The following EPN1 variants were observed in gnomAD, a reference collection of about 807,000 sequenced individuals.
EPN1 encodes epsin-1.
A neutral mutation model predicts 56.9 loss-of-function variants in EPN1; 25 were observed. The observed-to-expected ratio is 0.44, with a 90% CI of 0.32 to 0.61. The LOEUF (loss-of-function observed/expected upper bound fraction) is 0.61. Ranked by LOEUF, EPN1 falls within the 20% of genes least tolerant of loss-of-function variation. The pLI is 0.05. For synonymous variants in EPN1, 411 were observed against 361.8 expected, an observed-to-expected ratio of 1.14 and a Z score of -1.54; for missense variants, 785 against 823.7, an observed-to-expected ratio of 0.95 and a Z score of 0.58.
In EPN1 at chr19:55,708,273, A is replaced by G. The variant is rs1987525896; in HGVS notation, c.*12917A>G. On this transcript the variant is annotated 3_prime_UTR_variant, in exon 11 of 11. Transcript: ENST00000270460. Reference sequence around the variant, plus strand: ...TGTAATAAAAATTTTAGACCAGGCCAATAAGGCATCAGCAATTTACCGTAG... The same window carrying G: ...TGTAATAAAAATTTTAGACCAGGCCGATAAGGCATCAGCAATTTACCGTAG... 1.3e-5 allele frequency: 2 copies of G among 152,252 alleles called. No individual in the cohort carries two copies. Among genetic ancestry groups the G allele is most frequent in the Non-Finnish European group, 2.9e-5 (2 of 68,044 alleles). 9.4% of individuals were successfully genotyped at this position (152,252 alleles called of 1,614,324 possible). A position where few individuals can be genotyped will look rare whatever the true frequency, so the allele number is the denominator to read the frequency against.
In EPN1 at chr19:55,677,768, C is replaced by G. The variant is rs746881434; in HGVS notation, c.-101-759C>G. On this transcript the variant is annotated intron_variant, in intron 1 of 10. Transcript: ENST00000270460. ...CCTGCTCCTGCCTCTGTCTTTAATCCCTTCATCAGCCTTCTTTCCCATGTG... is the reference window on the plus strand; with the variant it reads ...CCTGCTCCTGCCTCTGTCTTTAATCGCTTCATCAGCCTTCTTTCCCATGTG... 8 of 1,474,828 alleles carry G rather than the reference C, an allele frequency of 5.4e-6. No individual in the cohort carries two copies. The East Asian group carries it at 1.3e-4, about 24-fold the overall frequency. 91.4% of individuals were successfully genotyped at this position (1,474,828 alleles called of 1,614,324 possible). A position where few individuals can be genotyped will look rare whatever the true frequency, so the allele number is the denominator to read the frequency against.
At chr19:55,678,286 T>A (rs1232155737) in intron 1 of EPN1, among the ~76,000 whole-genome samples, 1 of 152,206 alleles carries the variant, frequency 6.6e-6, no homozygotes, top group Non-Finnish European at 1.5e-5. Flanking sequence ...CAGGAAGTGC[T>A]GAGCCAGGTT....
At chr19:55,677,246 C>T in intron 1 of EPN1, 1 of 1,283,426 alleles carries the variant, frequency 7.8e-7, no homozygotes, top group Non-Finnish European at 1.1e-6. Flanking sequence ...AGGGGCTGAA[C>T]CTCTGTGTCT....
intron 1 of EPN1, chr19:55,677,679 C>T (rs774750574): frequency 5.0e-5 from 78 of 1,551,246 alleles, no homozygotes; most frequent in Middle Eastern, 1.7e-4. Context: ...CTTGGGCTTC[C>T]GCTATCCTTG....
At chr19:55,682,710 G>T (rs113160506) in intron 2 of EPN1, among the ~76,000 whole-genome samples, 1,756 of 152,056 alleles carry the variant, frequency 0.012, 15 homozygotes, top group Non-Finnish European at 0.019. Flanking sequence ...TGGGGTTACA[G>T]GATTTTGCCA....
At chr19:55,678,995 A>C (rs1269667547) in intron 2 of EPN1, 140 bp downstream of exon 2, 8 of 643,112 alleles carry the variant, frequency 1.2e-5, no homozygotes, top group Admixed American at 1.2e-4. Context: ...TTTTTGTTTA[A>C]TGAAGGCAAC....
In EPN1 at chr19:55,692,667, C is replaced by T; in HGVS notation, c.1067-19C>T. On this transcript the variant is annotated intron_variant, in intron 7 of 10. Coordinates refer to ENST00000270460, the MANE Select transcript of EPN1 (RefSeq NM_001130072.2). Reference sequence around the variant, plus strand: ...CAGTCAAGGTTGCCAGCCCCTCATGCTCTTCTGTCCTCACCCAGGTGGGGT... The same window carrying T: ...CAGTCAAGGTTGCCAGCCCCTCATGTTCTTCTGTCCTCACCCAGGTGGGGT... The T allele has an allele frequency of 1.4e-6, 2 of 1,479,984 alleles. No homozygotes were observed. The highest frequency in any genetic ancestry group is 2.7e-5 in the South Asian group (2 of 74,760). The allele number at this position is 1,479,984 out of a possible 1,614,324, so 91.7% of individuals were successfully genotyped here.
rs1227709922 is a variant in EPN1 at position 55,675,366 on chromosome 19, G to C, written c.-171G>C. 6.6e-6 allele frequency: 1 copy of C among 151,806 alleles called. No homozygotes were observed. The highest frequency in any genetic ancestry group is 1.5e-5 in the Non-Finnish European group (1 of 67,898). The allele number at this position is 151,806 out of a possible 1,614,324, so 9.4% of individuals were successfully genotyped here. ...GCCCGTGGCCCGGCGCACGTCCCGCGACACCGAGGCCGAGCGGGGCAGGGG... is the reference window on the plus strand; with the variant it reads ...GCCCGTGGCCCGGCGCACGTCCCGCCACACCGAGGCCGAGCGGGGCAGGGG... On this transcript the variant is annotated 5_prime_UTR_variant, in exon 1 of 11. Coordinates refer to ENST00000270460, the MANE Select transcript of EPN1 (RefSeq NM_001130072.2).
intron 6 of EPN1, among the ~76,000 whole-genome samples, chr19:55,690,374 G>A (rs559443891): frequency 5.3e-5 from 8 of 152,362 alleles, no homozygotes; most frequent in African/African-American, 1.9e-4. Flanking sequence ...GGTGAGCGAG[G>A]AGGCATGGTC....
rs1987270085 is a variant in EPN1, at chr19:55,703,971, C to T, written c.*8615C>T. ...TGGGATCCCGTGCGCGCTTGTGCTC[C>T]TTCCTTCTGGGCCAGCGCGCAGACT... On this transcript the variant is annotated 3_prime_UTR_variant, in exon 11 of 11. Coordinates refer to ENST00000270460, the MANE Select transcript of EPN1 (RefSeq NM_001130072.2). 1 of 147,290 alleles carries T rather than the reference C, an allele frequency of 6.8e-6. No homozygotes were observed. Among genetic ancestry groups the T allele is most frequent in the Non-Finnish European group, 1.5e-5 (1 of 64,570 alleles). 9.1% of individuals were successfully genotyped at this position (147,290 alleles called of 1,614,324 possible).
In EPN1 at chr19:55,689,237, C is replaced by T. The variant is rs992908987; in HGVS notation, c.604-60C>T. 7 of 1,318,060 alleles carry T rather than the reference C, an allele frequency of 5.3e-6. No individual in the cohort carries two copies. The Admixed American group carries it at 1.4e-4, about 26-fold the overall frequency. 81.6% of individuals were successfully genotyped at this position (1,318,060 alleles called of 1,614,324 possible). On this transcript the variant is annotated intron_variant, in intron 4 of 10. Transcript: ENST00000270460. The surrounding 1 kb of genome is among the most constrained non-coding windows in gnomAD (Gnocchi z 5.7). ...TCTTCGGCTCTATCTGACCCTGGCT[C>T]TGCCTCTGACTCTGCCTCTGGCCCC...
In EPN1 at chr19:55,685,455, C is replaced by T; in HGVS notation, c.288C>T (p.Cys96=). 1 of 1,611,574 alleles carries T rather than the reference C, an allele frequency of 6.2e-7. No individual in the cohort carries two copies. The highest frequency in any genetic ancestry group is 8.5e-7 in the Non-Finnish European group (1 of 1,179,064). Residue 96 remains cysteine (C), a synonymous_variant, in exon 3 of 11, where the codon TGC becomes TGT. Transcript: ENST00000270460. The part of the protein sequence containing the change: ...KTGSERVSQQ[C]KENMYAVQTL... The stretch of plus-strand genomic sequence containing the variant: ...GCTCGGAGCGCGTGTCGCAGCAGTG[C>T]AAGGAGAACATGTACGCCGTGCAGA...
rs1986414854 is a variant in EPN1, at chr19:55,689,810, G to T, written c.679-57G>T. Reference sequence around the variant, plus strand: ...TTGCTGGGGCTTCCAGGCTGAGGTGGCATCTGCCCGTGGCTCACGTTCTCA... The same window carrying T: ...TTGCTGGGGCTTCCAGGCTGAGGTGTCATCTGCCCGTGGCTCACGTTCTCA... On this transcript the variant is annotated intron_variant, in intron 5 of 10. Transcript: ENST00000270460. The surrounding 1 kb of genome is among the most constrained non-coding windows in gnomAD (Gnocchi z 5.7). 2 of 1,507,316 alleles carry T rather than the reference G, an allele frequency of 1.3e-6. No homozygotes were observed. Among genetic ancestry groups the T allele is most frequent in the African/African-American group, 2.8e-5 (2 of 72,552 alleles). 93.4% of individuals were successfully genotyped at this position (1,507,316 alleles called of 1,614,324 possible).
chr19:55,694,657 T>C lies in EPN1; in HGVS notation c.1265-69T>C. ...CTTTGAAGCGCCCCCTATGATGGCC[T>C]ATACTGCTCCCGGGTTGGAGCCTCA... On this transcript the variant is annotated intron_variant, in intron 9 of 10. Coordinates refer to ENST00000270460, the MANE Select transcript of EPN1 (RefSeq NM_001130072.2). This position sits in a 1 kb window ranked among gnomAD's most constrained non-coding sequence, Gnocchi z 4.2. 6.7e-7 allele frequency: 1 copy of C among 1,499,890 alleles called. No homozygotes were observed. The allele number at this position is 1,499,890 out of a possible 1,614,324, so 92.9% of individuals were successfully genotyped here. A position where few individuals can be genotyped will look rare whatever the true frequency, so the allele number is the denominator to read the frequency against.
intron 1 of EPN1, 42 bp from the exon 2 acceptor site, chr19:55,678,485 C>T: frequency 6.6e-7 from 1 of 1,507,328 alleles, no homozygotes; most frequent in Non-Finnish European, 8.9e-7. Context: ...CTGGGCAGGC[C>T]ATGTCCCATT....
At chr19:55,687,457 C>T (rs1337003117) in intron 3 of EPN1, among the ~76,000 whole-genome samples, 2 of 152,098 alleles carry the variant, frequency 1.3e-5, no homozygotes, top group African/African-American at 4.8e-5. Flanking sequence ...GTGGGGCCCT[C>T]AGGGCTGCTG....
In EPN1 at chr19:55,694,781, C is replaced by T. The variant is rs1986811218; in HGVS notation, c.1320C>T (p.Asp440=). The change falls in exon 10 of 11, where the codon GAC becomes GAT. Residue 440 remains aspartate, a synonymous_variant. Transcript: ENST00000270460. This position sits in a 1 kb window ranked among gnomAD's most constrained non-coding sequence, Gnocchi z 4.2. The part of the protein sequence containing the change: ...EVPARSPGAF[D]MSGVRGSLAE... ...CGGCCCGAAGCCCTGGGGCGTTTGACATGAGTGGGGTCAGGGGATCTCTGG... is the reference window on the plus strand; with the variant it reads ...CGGCCCGAAGCCCTGGGGCGTTTGATATGAGTGGGGTCAGGGGATCTCTGG... 1.2e-6 allele frequency: 2 copies of T among 1,607,522 alleles called. No homozygotes were observed. Among genetic ancestry groups the T allele is most frequent in the Non-Finnish European group, 1.7e-6 (2 of 1,176,090 alleles).
At chr19:55,681,186 C>G (rs1414453508) in intron 2 of EPN1, among the ~76,000 whole-genome samples, 1 of 152,196 alleles carries the variant, frequency 6.6e-6, no homozygotes, top group Non-Finnish European at 1.5e-5. Flanking sequence ...CACGGCCTCC[C>G]TGCATGGCCT....
At chr19:55,679,985 T>C (rs1402230402) in intron 2 of EPN1, among the ~76,000 whole-genome samples, 1 of 152,168 alleles carries the variant, frequency 6.6e-6, no homozygotes, top group Non-Finnish European at 1.5e-5. Flanking sequence ...ACGCACATCC[T>C]TCCTGGTCAG....
Sources: allele counts gnomAD v4.1 joint callset (sites outside exome capture counted in the v4.1 genomes callset), GRCh38; gene constraint gnomAD v4.1.1; non-coding constraint Gnocchi (gnomAD v3.1); transcripts MANE v1.5; gene names NCBI Gene and HGNC (gene_info 2026-07-23, HGNC 2026-07-21).